IKBKB: variants seen among roughly 807,000 people sequenced by gnomAD.
IKBKB encodes the protein inhibitor of nuclear factor kappa B kinase subunit beta, also known as inhibitor of nuclear factor kappa-B kinase subunit beta.
Under a neutral mutation model 113.6 loss-of-function variants are expected in IKBKB, and 42 were observed. That is an observed-to-expected ratio of 0.37 (90% CI 0.29 to 0.48). IKBKB has a LOEUF of 0.48. Ranked by LOEUF, IKBKB falls within the 20% of genes least tolerant of loss-of-function variation. IKBKB has a pLI of 0.99. For synonymous variants in IKBKB, 296 were observed against 361.3 expected (o/e 0.82, Z 2.05); for missense variants, 673 against 939.7 (o/e 0.72, Z 3.71).
intron 2 of IKBKB, among the ~76,000 whole-genome samples, chr8:42,285,275 G>A (rs1290244167): frequency 6.6e-6 from 1 of 152,206 alleles, no homozygotes; most frequent in Non-Finnish European, 1.5e-5. Context: ...GCCGGGTGCA[G>A]GGGCTTAGGC....
Position 42,316,324 on chromosome 8 carries a change from C to G in IKBKB, c.915C>G (p.Asp305Glu). 6.2e-7 allele frequency: 1 copy of G among 1,614,154 alleles called. No individual in the cohort carries two copies. The highest frequency in any genetic ancestry group is 2.2e-5 in the East Asian group (1 of 44,880). The change falls in exon 10 of 22, where the codon GAC (aspartate) becomes GAG (glutamate). Residue 305 changes from aspartate (D) to glutamate (E), a missense_variant. This residue lies in a region of IKBKB where 506 missense variants were observed against 638.7 expected (regional missense o/e 0.79). Transcript: ENST00000520810. The surrounding 1 kb of genome is among the most constrained non-coding windows in gnomAD (Gnocchi z 4.5). Reference protein sequence around the residue: ...GPNGCFKALDDILNLKLVHIL... With the variant: ...GPNGCFKALDEILNLKLVHIL... Reference sequence around the variant, plus strand: ...ATGGCTGCTTCAAGGCCCTGGATGACATCTTAAACTTAAAGGTGAGTGTGG... The same window carrying G: ...ATGGCTGCTTCAAGGCCCTGGATGAGATCTTAAACTTAAAGGTGAGTGTGG...
chr8:42,284,416 A>G (rs947949303), intron 2 of IKBKB, among the ~76,000 whole-genome samples: 1 of 152,060 alleles, frequency 6.6e-6, no homozygotes, highest in Non-Finnish European at 1.5e-5. Context: ...CCCCATCTCT[A>G]CTAAAAATAC....
intron 2 of IKBKB, among the ~76,000 whole-genome samples, chr8:42,285,748 C>T (rs1811289502): frequency 6.6e-6 from 1 of 152,138 alleles, no homozygotes; most frequent in Admixed American, 6.5e-5. Flanking sequence ...TAGTCACAGA[C>T]GTAAGCCTGT....
At chr8:42,329,330 C>T (rs1428337448) in intron 21 of IKBKB, 116 bp downstream of exon 21, 3 of 1,369,592 alleles carry the variant, frequency 2.2e-6, no homozygotes, top group Non-Finnish European at 2.8e-6. Context: ...TGTTTGTTTG[C>T]TTGTTTATTT....
In IKBKB at chr8:42,316,745, C is replaced by T. The variant is rs751401733; in HGVS notation, c.966C>T (p.Ile322=). The T allele has an allele frequency of 6.2e-7, 1 of 1,613,994 alleles. No homozygotes were observed. Among genetic ancestry groups the T allele is most frequent in the Non-Finnish European group, 8.5e-7 (1 of 1,179,900 alleles). ...TCTTGAACATGGTCACGGGCACCAT[C>T]CACACCTACCCTGTGACAGAGGATG... ...VHILNMVTGT[I]HTYPVTEDES... Residue 322 remains isoleucine, a synonymous_variant, in exon 11 of 22, where the codon ATC becomes ATT. Coordinates refer to ENST00000520810, the MANE Select transcript of IKBKB (RefSeq NM_001556.3). The surrounding 1 kb of genome is among the most constrained non-coding windows in gnomAD (Gnocchi z 4.5).
intron 2 of IKBKB, among the ~76,000 whole-genome samples, chr8:42,273,722 T>A (rs1438648965): frequency 6.6e-6 from 1 of 152,014 alleles, no homozygotes; most frequent in Admixed American, 6.6e-5. Flanking sequence ...GAGGTTTTTT[T>A]TTTATTTTTT....
In IKBKB at chr8:42,272,067, C is replaced by T; in HGVS notation, c.-18-16C>T. 2 of 1,597,312 alleles carry T rather than the reference C, an allele frequency of 1.3e-6. No homozygotes were observed. The highest frequency in any genetic ancestry group is 1.7e-6 in the Non-Finnish European group (2 of 1,171,462). ...CTTAATCCTAACCTTTTTTCCCCAT[C>T]CCAAATTGCTTATAGAGTTAGCACG... On this transcript the variant is annotated splice_polypyrimidine_tract_variant and intron_variant, in intron 1 of 21. Coordinates refer to ENST00000520810, the MANE Select transcript of IKBKB (RefSeq NM_001556.3).
chr8:42,298,998 G>A (rs1814543360), intron 5 of IKBKB, among the ~76,000 whole-genome samples: 1 of 152,004 alleles, frequency 6.6e-6, no homozygotes, highest in Non-Finnish European at 1.5e-5. Flanking sequence ...GGCCGTTCTT[G>A]TGGCCTGTTT....
chr8:42,287,018 G>A (rs1183578009), intron 2 of IKBKB, among the ~76,000 whole-genome samples: 5 of 152,194 alleles, frequency 3.3e-5, no homozygotes, highest in Admixed American at 6.5e-5. Context: ...CTGGGGCTCC[G>A]GGAGCTGCTG....
chr8:42,280,882 G>A (rs931385124), intron 2 of IKBKB, among the ~76,000 whole-genome samples: 1 of 152,106 alleles, frequency 6.6e-6, no homozygotes, highest in Admixed American at 6.5e-5. Flanking sequence ...GCTTATCTGT[G>A]TGCTTGGAAG....
At position 42,274,786 on chromosome 8, in the gene IKBKB, GCC is replaced by G. The variant is rs1224930652; in HGVS notation, c.105+2595_105+2596del. ...GAACTTAGGTGATCCCCGCCGGCGC[GCC>G]CCCCCCCCCCCCCGCCATCCCAGCC... On this transcript the variant is annotated intron_variant, in intron 2 of 21. Coordinates refer to ENST00000520810, the MANE Select transcript of IKBKB (RefSeq NM_001556.3). 1.4e-3 allele frequency among the ~76,000 whole-genome samples: 8 copies of G among 5,542 alleles called. 1 individual carries two copies. Among genetic ancestry groups the G allele is most frequent in the African/African-American group, 6.7e-3 (6 of 892 alleles). 3.6% of individuals were successfully genotyped at this position (5,542 alleles called of 152,430 possible).
chr8:42,317,763 G>C lies in IKBKB; in HGVS notation c.1232G>C (p.Ser411Thr). The change falls in exon 12 of 22, where the codon AGC becomes ACC. Residue 411 changes from serine (S) to threonine (T), a missense_variant. Ser to Thr is a moderately conservative substitution (Grantham distance 58). This residue lies in a region of IKBKB where 506 missense variants were observed against 638.7 expected (regional missense o/e 0.79). Transcript: ENST00000520810. ...ISPRPQPESV[S>T]CILQEPKRNL... ...CCACGGCCCCAACCTGAAAGTGTCAGCTGTATCCGTAAGAATTTGTTATGT... is the reference window on the plus strand; with the variant it reads ...CCACGGCCCCAACCTGAAAGTGTCACCTGTATCCGTAAGAATTTGTTATGT... The C allele has an allele frequency of 6.2e-7, 1 of 1,602,328 alleles. No homozygotes were observed. Among genetic ancestry groups the C allele is most frequent in the East Asian group, 2.2e-5 (1 of 44,836 alleles).
At chr8:42,330,339 AT>A in intron 21 of IKBKB, 1 of 978,742 alleles carries the variant, frequency 1.0e-6, no homozygotes, top group South Asian at 4.7e-5. Flanking sequence ...TGGCTTTTTA[AT>A]TTGTATTTGT....
chr8:42,286,515 G>A (rs1335319091), intron 2 of IKBKB, among the ~76,000 whole-genome samples: 2 of 152,110 alleles, frequency 1.3e-5, no homozygotes, highest in African/African-American at 4.8e-5. Context: ...TTTTGAAACA[G>A]GGTCTTACTC....
At chr8:42,311,184 C>G (rs1412041399) in intron 8 of IKBKB, among the ~76,000 whole-genome samples, 1 of 152,212 alleles carries the variant, frequency 6.6e-6, no homozygotes, top group Non-Finnish European at 1.5e-5. Flanking sequence ...CCAACACTGG[C>G]TATTGTCACC....
intron 15 of IKBKB, 112 bp from the exon 16 acceptor site, chr8:42,320,623 A>G (rs1437866828): frequency 1.2e-6 from 1 of 855,940 alleles, no homozygotes; most frequent in Non-Finnish European, 2.0e-6. Context: ...GAGCCAGTCC[A>G]TTGAGGGTCC....
At chr8:42,305,346 A>G (rs1816301878) in intron 6 of IKBKB, 71 bp downstream of exon 6, 5 of 878,188 alleles carry the variant, frequency 5.7e-6, no homozygotes, top group Non-Finnish European at 9.7e-6. Flanking sequence ...GGAAAGGAGC[A>G]CACTCTGCAT....
chr8:42,301,099 C>T (rs1487775883), intron 5 of IKBKB, among the ~76,000 whole-genome samples: 2 of 152,152 alleles, frequency 1.3e-5, no homozygotes, highest in Non-Finnish European at 1.5e-5. Flanking sequence ...TCAAGGGATC[C>T]TCCTCCCTCG....
In IKBKB at chr8:42,271,715, A is replaced by C. The variant is rs1025478616; in HGVS notation, c.-19+246A>C. Reference sequence around the variant, plus strand: ...TGGGAACATTGTAAAGAAACACGTGACCTCGGCGATGCTCAGAAGTAGGTT... The same window carrying C: ...TGGGAACATTGTAAAGAAACACGTGCCCTCGGCGATGCTCAGAAGTAGGTT... On this transcript the variant is annotated intron_variant, in intron 1 of 21. Transcript: ENST00000520810. 59 of 506,860 alleles carry C rather than the reference A, an allele frequency of 1.2e-4. No individual in the cohort carries two copies. The African/African-American group carries it at 1.2e-3, about 10-fold the overall frequency. 31.4% of individuals were successfully genotyped at this position (506,860 alleles called of 1,614,324 possible).
Sources: allele counts gnomAD v4.1 joint callset (sites outside exome capture counted in the v4.1 genomes callset), GRCh38; gene constraint gnomAD v4.1.1; regional missense constraint gnomAD v4.1.1; non-coding constraint Gnocchi (gnomAD v3.1); transcripts MANE v1.5; gene names NCBI Gene and HGNC (gene_info 2026-07-23, HGNC 2026-07-21).